Variants in ASF1A observed in about 807,000 individuals in gnomAD.
ASF1A encodes histone chaperone ASF1A.
In ASF1A, 5 loss-of-function variants were observed where a neutral mutation model predicts 22.0. The observed-to-expected ratio is 0.23, with a 90% CI of 0.12 to 0.48. ASF1A has a LOEUF of 0.48. ASF1A is among the 20% of genes least tolerant of loss of function. The probability of loss-of-function intolerance (pLI) is 0.99; values close to 1 mark genes in which losing one functional copy is unlikely to be tolerated. For missense variants in ASF1A, 137 were observed against 240.6 expected, an observed-to-expected ratio of 0.57 and a Z score of 2.85; for synonymous variants, 97 against 86.7, an observed-to-expected ratio of 1.12 and a Z score of -0.66.
intron 1 of ASF1A, among the ~76,000 whole-genome samples, chr6:118,895,303 C>G (rs1046209850): frequency 1.3e-5 from 2 of 152,102 alleles, no homozygotes; most frequent in East Asian, 3.9e-4. Context: ...GCAGGCTCCC[C>G]AACCAACGTG....
In ASF1A at chr6:118,908,772, T is replaced by C. The variant is rs984500540; in HGVS notation, c.*1158T>C. 1 of 152,626 alleles carries C rather than the reference T, an allele frequency of 6.6e-6. No individual in the cohort carries two copies. The highest frequency in any genetic ancestry group is 2.4e-5 in the African/African-American group (1 of 41,468). The allele number at this position is 152,626 out of a possible 1,614,324, so 9.5% of individuals were successfully genotyped here. ...AAAAATTTTCTTATGCTCCATAAAA[T>C]TGAGGTAGAATATTTTCATTATTCT... On this transcript the variant is annotated 3_prime_UTR_variant, in exon 4 of 4. Coordinates refer to ENST00000229595, the MANE Select transcript of ASF1A (RefSeq NM_014034.3).
intron 1 of ASF1A, among the ~76,000 whole-genome samples, chr6:118,900,436 AG>A (rs1268687657): frequency 5.3e-5 from 8 of 152,336 alleles, no homozygotes; most frequent in Middle Eastern, 3.4e-3. Flanking sequence ...TCTTTACTGA[AG>A]GATATCTCAG....
In ASF1A at chr6:118,894,235, C is replaced by T. The variant is rs1779179413; in HGVS notation, c.-179C>T. On this transcript the variant is annotated 5_prime_UTR_variant, in exon 1 of 4. Coordinates refer to ENST00000229595, the MANE Select transcript of ASF1A (RefSeq NM_014034.3). ...GTAGTTTAGTGAAATAGGAAAGCTG[C>T]AAAACACTGTGGAGTGCTCCCGTGT... 1 of 1,429,438 alleles carries T rather than the reference C, an allele frequency of 7.0e-7. No individual in the cohort carries two copies. The highest frequency in any genetic ancestry group is 9.1e-7 in the Non-Finnish European group (1 of 1,096,678). 88.5% of individuals were successfully genotyped at this position (1,429,438 alleles called of 1,614,324 possible). A position where few individuals can be genotyped will look rare whatever the true frequency, so the allele number is the denominator to read the frequency against.
chr6:118,895,979 T>C (rs1202144926), intron 1 of ASF1A, among the ~76,000 whole-genome samples: 1 of 151,926 alleles, frequency 6.6e-6, no homozygotes, highest in African/African-American at 2.4e-5. Context: ...CAGTTCTCTG[T>C]ACTCAGTGCC....
chr6:118,905,949 A>G (rs937408395), intron 3 of ASF1A, 121 bp downstream of exon 3: 1 of 685,550 alleles, frequency 1.5e-6, no homozygotes, highest in South Asian at 2.4e-5. Flanking sequence ...TGAGGTCCTT[A>G]TGCCAACTGG....
chr6:118,895,221 C>T (rs1779301069), intron 1 of ASF1A, among the ~76,000 whole-genome samples: 1 of 151,918 alleles, frequency 6.6e-6, no homozygotes, highest in Non-Finnish European at 1.5e-5. Context: ...CGCCGGCGCT[C>T]CCCGGGGGCC....
chr6:118,901,405 GGT>G, intron 2 of ASF1A, among the ~76,000 whole-genome samples: 1 of 152,134 alleles, frequency 6.6e-6, no homozygotes, highest in Admixed American at 6.5e-5. Context: ...TGTGGTCTTG[GGT>G]CATTGGAATG....
intron 3 of ASF1A, among the ~76,000 whole-genome samples, 179 bp from the exon 4 acceptor site, chr6:118,907,223 C>T (rs1160725212): frequency 1.3e-5 from 2 of 152,196 alleles, no homozygotes; most frequent in African/African-American, 4.8e-5. Flanking sequence ...TTCTTTGCTA[C>T]AGCCCTAGTC....
chr6:118,904,278 T>C (rs1437477189), intron 2 of ASF1A, among the ~76,000 whole-genome samples: 1 of 152,026 alleles, frequency 6.6e-6, no homozygotes, highest in Non-Finnish European at 1.5e-5. Flanking sequence ...CTGACTGAGG[T>C]TTTTAGCCTA....
At chr6:118,895,059 G>A (rs1779280032) in intron 1 of ASF1A, among the ~76,000 whole-genome samples, 1 of 152,190 alleles carries the variant, frequency 6.6e-6, no homozygotes, top group African/African-American at 2.4e-5. Flanking sequence ...ACTCTCGAGA[G>A]CTCACGGTGG....
rs1467157818 is a variant in ASF1A, at chr6:118,894,372, G to A, written c.-42G>A. 5.2e-6 allele frequency: 8 copies of A among 1,535,624 alleles called. No homozygotes were observed. In the East Asian group the frequency reaches 2.0e-4, roughly 38 times the overall value. Reference sequence around the variant, plus strand: ...GCCGCGCGCTGGACTTTATTGTGCCGCAACCAGCCCCAGTTCCCATTGTTT... The same window carrying A: ...GCCGCGCGCTGGACTTTATTGTGCCACAACCAGCCCCAGTTCCCATTGTTT... On this transcript the variant is annotated 5_prime_UTR_variant, in exon 1 of 4. Coordinates refer to ENST00000229595, the MANE Select transcript of ASF1A (RefSeq NM_014034.3).
chr6:118,898,268 G>C (rs1562429078), intron 1 of ASF1A, among the ~76,000 whole-genome samples: 1 of 152,146 alleles, frequency 6.6e-6, no homozygotes, highest in Non-Finnish European at 1.5e-5. Context: ...CTAATGCCCA[G>C]TATATAGTAG....
chr6:118,898,350 C>T (rs1779575274), intron 1 of ASF1A, among the ~76,000 whole-genome samples: 1 of 151,768 alleles, frequency 6.6e-6, no homozygotes, highest in Non-Finnish European at 1.5e-5. Flanking sequence ...ATTTATACCA[C>T]TTAGGATCAA....
In ASF1A at chr6:118,906,547, A is replaced by G. The variant is rs935722694; in HGVS notation, c.402+719A>G. Among the ~76,000 whole-genome samples the G allele has an allele frequency of 2.6e-5, 4 of 152,196 alleles. No homozygotes were observed. In the South Asian group the frequency reaches 6.2e-4, roughly 24 times the overall value. On this transcript the variant is annotated intron_variant, in intron 3 of 3. Transcript: ENST00000229595. ...GTGTGTAACTCTTCCCAAAATTATG[A>G]AAGTTTTATGTTTGTTTTTCCTATG... is the stretch of plus-strand genomic sequence containing the variant.
intron 2 of ASF1A, among the ~76,000 whole-genome samples, chr6:118,901,463 T>TA (rs145983934): frequency 1.3e-5 from 2 of 152,312 alleles, no homozygotes; most frequent in Admixed American, 1.3e-4. Flanking sequence ...CATTATCTTA[T>TA]AAGAGGACTA....
In ASF1A at chr6:118,906,805, C is replaced by T. The variant is rs73519453; in HGVS notation, c.403-597C>T. On this transcript the variant is annotated intron_variant, in intron 3 of 3. Transcript: ENST00000229595. ...GCAGAGTAAATGAAGTTGAACCATG[C>T]AAGAAAAATTACATGACAATAGAAT... 6.4e-3 allele frequency among the ~76,000 whole-genome samples: 982 copies of T among 152,278 alleles called. 10 individuals are homozygous for T. Among genetic ancestry groups the T allele is most frequent in the African/African-American group, 0.022 (906 of 41,554 alleles).
intron 1 of ASF1A, among the ~76,000 whole-genome samples, chr6:118,896,375 A>G (rs1779414106): frequency 2.6e-5 from 4 of 151,538 alleles, no homozygotes; most frequent in Admixed American, 1.3e-4. Context: ...AAGTTCTTCA[A>G]ATTACAGGTA....
At chr6:118,904,219 A>G (rs115860278) in intron 2 of ASF1A, among the ~76,000 whole-genome samples, 1,580 of 152,326 alleles carry the variant, frequency 0.01, 30 homozygotes, top group African/African-American at 0.036. Flanking sequence ...GCCTCCAGAA[A>G]TGAAAAAAAT....
At position 118,894,504 on chromosome 6, in the gene ASF1A, A is replaced by C. The variant is rs1372221734; in HGVS notation, c.91A>C (p.Ile31Leu). ...CCAGTTCGAGATCACCTTCGAGTGC[A>C]TCGAGGACCTGTCTGAAGGTGAGTG... ...PFQFEITFEC[I>L]EDLSEDLEWK... The change falls in exon 1 of 4, where the codon ATC (isoleucine) becomes CTC (leucine). Residue 31 changes from isoleucine to leucine, a missense_variant. Physicochemically the swap from Ile to Leu is conservative, Grantham distance 5. Around this residue, in one of 2 missense-constraint regions of ASF1A, gnomAD observed 96 missense variants for 196.7 expected, o/e 0.49. Coordinates refer to ENST00000229595, the MANE Select transcript of ASF1A (RefSeq NM_014034.3). The C allele has an allele frequency of 4.6e-6, 7 of 1,537,024 alleles. No homozygotes were observed. In the African/African-American group the frequency reaches 5.5e-5, roughly 12 times the overall value.
Sources: gnomAD v4.1 joint callset for allele counts (sites outside exome capture counted in the v4.1 genomes callset) on GRCh38, gnomAD v4.1.1 for gene constraint, gnomAD v4.1.1 regional missense constraint, MANE v1.5 for transcripts, NCBI Gene and HGNC (gene_info 2026-07-23, HGNC 2026-07-21) for gene names.